The following ROBO1 variants were observed in gnomAD, a reference collection of about 807,000 sequenced individuals.
ROBO1 encodes roundabout homolog 1.
ROBO1 carries 149 observed loss-of-function variants against 195.9 expected under a neutral mutation model. The observed-to-expected ratio is 0.76, with a 90% CI of 0.67 to 0.87. ROBO1 has a LOEUF of 0.87. ROBO1 is among the 40% of genes least tolerant of loss of function. ROBO1 has a pLI of 0.00. For synonymous variants in ROBO1, 816 were observed against 733.2 expected, an observed-to-expected ratio of 1.11 and a Z score of -1.82; for missense variants, 1,933 against 2,068.3, an observed-to-expected ratio of 0.93 and a Z score of 1.27.
At chr3:79,615,510 C>T (rs991229711) in intron 1 of ROBO1, among the ~76,000 whole-genome samples, 1 of 152,134 alleles carries the variant, frequency 6.6e-6, no homozygotes, top group Non-Finnish European at 1.5e-5. Flanking sequence ...GCCTTGGCAA[C>T]ATAAACTTCT....
intron 2 of ROBO1, among the ~76,000 whole-genome samples, chr3:79,553,032 A>G (rs1458736916): frequency 6.6e-6 from 1 of 152,068 alleles, no homozygotes; most frequent in African/African-American, 2.4e-5. Context: ...ACATACTGCT[A>G]GTTCAGTAGG....
At chr3:78,942,598 T>C (rs1010610750) in intron 3 of ROBO1, among the ~76,000 whole-genome samples, 5 of 152,188 alleles carry the variant, frequency 3.3e-5, no homozygotes, top group African/African-American at 1.2e-4. Flanking sequence ...GTATGAGACA[T>C]GAAGAATTTG....
At chr3:79,276,758 C>T (rs2031069798) in intron 2 of ROBO1, among the ~76,000 whole-genome samples, 1 of 151,890 alleles carries the variant, frequency 6.6e-6, no homozygotes, top group Non-Finnish European at 1.5e-5. Context: ...GTATAAGGAA[C>T]TCAACTCAGG....
At chr3:79,078,630 GA>G (rs1170656174) in intron 3 of ROBO1, among the ~76,000 whole-genome samples, 1 of 151,716 alleles carries the variant, frequency 6.6e-6, no homozygotes, top group African/African-American at 2.4e-5. Context: ...TGGATCACTC[GA>G]AAAGTAGGAG....
chr3:78,837,731 C>CA (rs1281544789), intron 4 of ROBO1, among the ~76,000 whole-genome samples: 4 of 148,590 alleles, frequency 2.7e-5, no homozygotes, highest in African/African-American at 5.0e-5. Context: ...TAAGTAATAC[C>CA]AAAAAAAATC....
Position 78,600,275 on chromosome 3 carries a change from TG to T in ROBO1, c.4778del (p.Pro1593GlnfsTer30). The T allele has an allele frequency of 6.2e-7, 1 of 1,612,882 alleles. No homozygotes were observed. Among genetic ancestry groups the T allele is most frequent in the Non-Finnish European group, 8.5e-7 (1 of 1,179,012 alleles). On this transcript the variant is annotated frameshift_variant, in exon 30 of 31. Coordinates refer to ENST00000464233, the MANE Select transcript of ROBO1 (RefSeq NM_002941.4). LOFTEE classifies it high-confidence loss of function. ...TGGGATCTCTGGGATTATTTGATGT[TG>T]GAAAAGTAGGTCTACAATAAGGTAG... ...DILPYCRPTF[P>X]TSNNPRDPSS...
At chr3:79,211,249 T>C (rs1165477009) in intron 2 of ROBO1, among the ~76,000 whole-genome samples, 1 of 152,118 alleles carries the variant, frequency 6.6e-6, no homozygotes, top group African/African-American at 2.4e-5. Flanking sequence ...CATTAGGCTG[T>C]CTGGTTGTTA....
intron 4 of ROBO1, among the ~76,000 whole-genome samples, chr3:78,832,689 G>A (rs1032762191): frequency 6.6e-5 from 10 of 152,238 alleles, no homozygotes; most frequent in Middle Eastern, 3.4e-3. Flanking sequence ...TTGAAGCAGC[G>A]AAGAGTGATA....
intron 5 of ROBO1, among the ~76,000 whole-genome samples, chr3:78,725,771 A>G (rs2082147026): frequency 6.6e-6 from 1 of 152,202 alleles, no homozygotes; most frequent in African/African-American, 2.4e-5. Flanking sequence ...TTTAAAACAT[A>G]AATTCATAAG....
chr3:79,567,857 T>C (rs1000713864), intron 2 of ROBO1, among the ~76,000 whole-genome samples: 1 of 152,140 alleles, frequency 6.6e-6, no homozygotes, highest in South Asian at 2.1e-4. Context: ...AGAGAAGACA[T>C]TTGTTGCACT....
At chr3:78,817,258 G>C (rs539839446) in intron 4 of ROBO1, among the ~76,000 whole-genome samples, 69 of 152,312 alleles carry the variant, frequency 4.5e-4, no homozygotes, top group African/African-American at 1.6e-3. Flanking sequence ...ATCAAGACAA[G>C]ACTGTCTACC....
Position 79,708,439 on chromosome 3 carries a change from T to G in ROBO1, c.-51+59313A>C, listed in dbSNP as rs562178608. 3.3e-5 allele frequency among the ~76,000 whole-genome samples: 5 copies of G among 152,198 alleles called. No individual in the cohort carries two copies. In the South Asian group the frequency reaches 1.0e-3, roughly 31 times the overall value. On this transcript the variant is annotated intron_variant, in intron 1 of 30. Transcript: ENST00000464233. Reference sequence around the variant, plus strand: ...ACATAAAACACGAATTATATAAATTTGTATGCTTTTCTCATTTTGATCTGT... The same window carrying G: ...ACATAAAACACGAATTATATAAATTGGTATGCTTTTCTCATTTTGATCTGT...
chr3:79,432,075 G>A, intron 2 of ROBO1, among the ~76,000 whole-genome samples: 1 of 152,076 alleles, frequency 6.6e-6, no homozygotes, highest in Non-Finnish European at 1.5e-5. Context: ...GTGTTTAGCT[G>A]ATAATCCTAA....
At chr3:79,654,929 T>C (rs1946116175) in intron 1 of ROBO1, among the ~76,000 whole-genome samples, 1 of 152,032 alleles carries the variant, frequency 6.6e-6, no homozygotes, top group Non-Finnish European at 1.5e-5. Context: ...TAATGAGGGA[T>C]GCAGTGCCTT....
chr3:78,898,938 G>A (rs1225531929), intron 4 of ROBO1, among the ~76,000 whole-genome samples: 1 of 152,102 alleles, frequency 6.6e-6, no homozygotes, highest in East Asian at 1.9e-4. Context: ...TGTTGGCAAA[G>A]AGAGACTAGA....
At chr3:78,693,155 C>T (rs1036824915) in intron 8 of ROBO1, 3 of 623,680 alleles carry the variant, frequency 4.8e-6, no homozygotes, top group Non-Finnish European at 8.1e-6. Context: ...ACCCCGTTAC[C>T]TTTACTCTTT....
At chr3:79,063,641 C>T (rs1332100074) in intron 3 of ROBO1, among the ~76,000 whole-genome samples, 1 of 151,642 alleles carries the variant, frequency 6.6e-6, no homozygotes, top group African/African-American at 2.4e-5. Flanking sequence ...CCTTGAAATA[C>T]TATTTTTATG....
intron 25 of ROBO1, among the ~76,000 whole-genome samples, chr3:78,629,996 G>A (rs1404323007): frequency 6.6e-6 from 1 of 152,164 alleles, no homozygotes; most frequent in African/African-American, 2.4e-5. Flanking sequence ...TGCTTAAAAT[G>A]GCCCTCAAAA....
chr3:78,902,809 AC>A (rs1275335212), intron 4 of ROBO1, among the ~76,000 whole-genome samples: 1 of 152,158 alleles, frequency 6.6e-6, no homozygotes, highest in African/African-American at 2.4e-5. Flanking sequence ...GTGCCATTGC[AC>A]TTTAGCCTGG....
Sources: allele counts gnomAD v4.1 joint callset (sites outside exome capture counted in the v4.1 genomes callset), GRCh38; gene constraint gnomAD v4.1.1; transcripts MANE v1.5; gene names NCBI Gene and HGNC (gene_info 2026-07-23, HGNC 2026-07-21).